SMYD3: variants seen among roughly 807,000 people sequenced by gnomAD.
SMYD3 encodes the protein histone-lysine N-methyltransferase SMYD3.
In SMYD3, 36 loss-of-function variants were observed where a neutral mutation model predicts 57.7. The ratio of observed to expected loss-of-function variants is 0.62; its 90% CI spans 0.48 to 0.82. SMYD3 has a LOEUF of 0.82. SMYD3 is among the 40% of genes least tolerant of loss of function. The pLI is 0.00. For synonymous variants in SMYD3, 211 were observed against 195.0 expected (o/e 1.08, Z -0.68); for missense variants, 515 against 538.8 (o/e 0.96, Z 0.44).
intron 1 of SMYD3, among the ~76,000 whole-genome samples, chr1:246,364,430 C>T (rs2066064097): frequency 6.6e-6 from 1 of 152,164 alleles, no homozygotes; most frequent in African/African-American, 2.4e-5. Flanking sequence ...AAGCTCTTTA[C>T]ATCTATTAAC....
At chr1:245,786,131 C>T (rs1351800363) in intron 10 of SMYD3, among the ~76,000 whole-genome samples, 6 of 116,496 alleles carry the variant, frequency 5.2e-5, no homozygotes, top group Non-Finnish European at 8.1e-5. Context: ...GATACTACAA[C>T]TATTACCTAA....
At chr1:246,311,369 T>A (rs576251871) in intron 5 of SMYD3, among the ~76,000 whole-genome samples, 1 of 152,346 alleles carries the variant, frequency 6.6e-6, no homozygotes, top group African/African-American at 2.4e-5. Flanking sequence ...AGCATCATCA[T>A]TGCTCTAAAG....
chr1:246,046,009 A>G (rs80210646), intron 5 of SMYD3, among the ~76,000 whole-genome samples: 25,068 of 152,052 alleles, frequency 0.16, 2,541 homozygotes, highest in East Asian at 0.39. Context: ...AAATAGGAAC[A>G]CTTTTACATT....
chr1:246,215,790 T>A (rs963788483), intron 5 of SMYD3, among the ~76,000 whole-genome samples: 1 of 152,110 alleles, frequency 6.6e-6, no homozygotes, highest in Non-Finnish European at 1.5e-5. Flanking sequence ...TGGGGTGTAA[T>A]CCTGCCTGAG....
intron 5 of SMYD3, among the ~76,000 whole-genome samples, chr1:246,309,930 A>G (rs746767582): frequency 6.6e-6 from 1 of 152,256 alleles, no homozygotes; most frequent in Non-Finnish European, 1.5e-5. Flanking sequence ...ACCAGACACT[A>G]CATGAGGAAA....
At chr1:246,304,862 T>C (rs908653247) in intron 5 of SMYD3, among the ~76,000 whole-genome samples, 1 of 152,232 alleles carries the variant, frequency 6.6e-6, no homozygotes, top group Non-Finnish European at 1.5e-5. Flanking sequence ...GCGGCTTGTT[T>C]GTTTTTAAAA....
At chr1:246,319,661 A>G (rs1434810487) in intron 5 of SMYD3, among the ~76,000 whole-genome samples, 1 of 152,192 alleles carries the variant, frequency 6.6e-6, no homozygotes, top group Non-Finnish European at 1.5e-5. Context: ...TGACAAACAT[A>G]TACACACTCC....
At chr1:246,427,270 C>T (rs1343413200) in intron 1 of SMYD3, among the ~76,000 whole-genome samples, 1 of 152,262 alleles carries the variant, frequency 6.6e-6, no homozygotes, top group African/African-American at 2.4e-5. Flanking sequence ...CCTGTAATCC[C>T]AGCACTTTGG....
intron 10 of SMYD3, among the ~76,000 whole-genome samples, chr1:245,832,476 GTTTT>G (rs200013317): frequency 4.5e-5 from 1 of 22,150 alleles, no homozygotes; most frequent in Non-Finnish European, 1.4e-4. Flanking sequence ...TCGATTTAAT[GTTTT>G]TTTTGTTTTT....
intron 7 of SMYD3, among the ~76,000 whole-genome samples, chr1:245,920,130 G>A (rs572054021): frequency 8.0e-4 from 122 of 152,056 alleles, no homozygotes; most frequent in African/African-American, 2.5e-3. Context: ...TGGCTAACAC[G>A]GTGAAACCCC....
rs202030290 is a variant in SMYD3 at position 245,820,876 on chromosome 1, C to T, written c.1076+37620G>A. ...TCTCTTCAAGGAGAACTACAAACCACTGCTCAATGAAATAAAAGAGGATAC... is the reference window on the plus strand; with the variant it reads ...TCTCTTCAAGGAGAACTACAAACCATTGCTCAATGAAATAAAAGAGGATAC... On this transcript the variant is annotated intron_variant, in intron 10 of 11. Coordinates refer to ENST00000490107, the MANE Select transcript of SMYD3 (RefSeq NM_001167740.2). 4.0e-5 allele frequency among the ~76,000 whole-genome samples: 6 copies of T among 151,320 alleles called. No homozygotes were observed. The East Asian group carries it at 9.8e-4, about 25-fold the overall frequency.
chr1:246,163,304 G>T (rs1401528175), intron 5 of SMYD3, among the ~76,000 whole-genome samples: 2 of 152,172 alleles, frequency 1.3e-5, no homozygotes, highest in African/African-American at 4.8e-5. Context: ...ATATCAAAGG[G>T]TAAGGCTGTA....
chr1:245,817,484 G>T (rs1572424371), intron 10 of SMYD3, among the ~76,000 whole-genome samples: 6 of 152,074 alleles, frequency 3.9e-5, no homozygotes, highest in African/African-American at 1.4e-4. Flanking sequence ...CTAAAAAGCA[G>T]AGCACCTCTC....
intron 5 of SMYD3, among the ~76,000 whole-genome samples, chr1:245,966,553 C>T (rs1403098550): frequency 6.6e-6 from 1 of 152,178 alleles, no homozygotes; most frequent in Non-Finnish European, 1.5e-5. Flanking sequence ...AATAAATCAA[C>T]AAAAGTTCTC....
chr1:246,505,357 T>C (rs1572066278), intron 1 of SMYD3, among the ~76,000 whole-genome samples: 1 of 152,024 alleles, frequency 6.6e-6, no homozygotes, highest in Non-Finnish European at 1.5e-5. Context: ...ACTGAGGACT[T>C]TGAATAAAAG....
intron 5 of SMYD3, among the ~76,000 whole-genome samples, chr1:245,980,057 A>G (rs894594022): frequency 1.3e-5 from 2 of 152,136 alleles, no homozygotes; most frequent in South Asian, 4.1e-4. Flanking sequence ...TCCTCCACCT[A>G]TAAGTGGGAA....
intron 10 of SMYD3, among the ~76,000 whole-genome samples, chr1:245,831,876 T>A (rs1447104651): frequency 6.6e-6 from 1 of 152,208 alleles, no homozygotes; most frequent in Non-Finnish European, 1.5e-5. Flanking sequence ...TAATCTTGGT[T>A]CCTAATTTGG....
chr1:246,460,633 G>A (rs1252870765), intron 1 of SMYD3, among the ~76,000 whole-genome samples: 1 of 152,160 alleles, frequency 6.6e-6, no homozygotes, highest in Non-Finnish European at 1.5e-5. Flanking sequence ...TGCCAAGGAA[G>A]AAGTCAGTCA....
chr1:245,990,737 C>G (rs1181145188), intron 5 of SMYD3, among the ~76,000 whole-genome samples: 2 of 152,212 alleles, frequency 1.3e-5, no homozygotes, highest in Non-Finnish European at 2.9e-5. Flanking sequence ...CCAGAAGGAG[C>G]CGGCCCTGCC....
Sources: allele counts gnomAD v4.1 joint callset (sites outside exome capture counted in the v4.1 genomes callset), GRCh38; gene constraint gnomAD v4.1.1; transcripts MANE v1.5; gene names NCBI Gene and HGNC (gene_info 2026-07-23, HGNC 2026-07-21).